ADAM9: variants seen among roughly 807,000 people sequenced by gnomAD.
ADAM9 encodes the protein disintegrin and metalloproteinase domain-containing protein 9.
In ADAM9, 54 loss-of-function variants were observed where a neutral mutation model predicts 108.1. The ratio of observed to expected loss-of-function variants is 0.50; its 90% CI spans 0.40 to 0.63. The LOEUF (loss-of-function observed/expected upper bound fraction) is 0.63, where lower values mean the gene tolerates loss of function less well. ADAM9 is among the 20% of genes least tolerant of loss of function. The pLI, the probability that ADAM9 is intolerant of heterozygous loss-of-function variation, is 0.00. For missense variants in ADAM9, 830 were observed against 997.7 expected (o/e 0.83, Z 2.26); for synonymous variants, 316 against 336.0 (o/e 0.94, Z 0.65).
At chr8:39,011,767 T>C (rs1428241438) in intron 3 of ADAM9, 51 bp downstream of exon 3, 1 of 1,514,634 alleles carries the variant, frequency 6.6e-7, no homozygotes, top group Admixed American at 1.7e-5. Context: ...TCCAATAGTA[T>C]ATTGGTTTTC....
chr8:39,058,875 C>T (rs537308882), intron 14 of ADAM9, among the ~76,000 whole-genome samples: 4 of 152,282 alleles, frequency 2.6e-5, no homozygotes, highest in Admixed American at 2.6e-4. Flanking sequence ...TACCTGGACA[C>T]GTGAATCCTG....
chr8:39,095,350 G>A (rs1224451371), intron 20 of ADAM9, among the ~76,000 whole-genome samples: 4 of 152,152 alleles, frequency 2.6e-5, no homozygotes, highest in African/African-American at 4.8e-5. Flanking sequence ...TGTTGCTTAA[G>A]TGTCAGCTAT....
chr8:39,023,140 ATTTC>A lies in ADAM9; in HGVS notation c.745-9_745-6del, dbSNP rs779203085. On this transcript the variant is annotated splice_polypyrimidine_tract_variant and intron_variant, in intron 8 of 21. Transcript: ENST00000487273. ...TCTTTACTATATTTTATATACTTTT[ATTTC>A]TTTCTTCCCAGATGTATATTATGTT... is the stretch of plus-strand genomic sequence containing the variant. 2 of 1,600,666 alleles carry A rather than the reference ATTTC, an allele frequency of 1.2e-6. No individual in the cohort carries two copies. Among genetic ancestry groups the A allele is most frequent in the East Asian group, 4.5e-5 (2 of 44,694 alleles).
At chr8:39,055,521 T>A in intron 13 of ADAM9, 56 bp from the exon 14 acceptor site, 1 of 1,552,220 alleles carries the variant, frequency 6.4e-7, no homozygotes, top group East Asian at 2.2e-5. Flanking sequence ...TCACATTTGA[T>A]TAATTTGTGG....
intron 1 of ADAM9, among the ~76,000 whole-genome samples, chr8:39,001,813 G>A (rs910088822): frequency 6.6e-6 from 1 of 151,656 alleles, no homozygotes; most frequent in African/African-American, 2.4e-5. Flanking sequence ...GATTACAGGC[G>A]CGTGCGCCAC....
At chr8:39,054,835 A>G (rs1838068250) in intron 13 of ADAM9, among the ~76,000 whole-genome samples, 1 of 152,150 alleles carries the variant, frequency 6.6e-6, no homozygotes. Flanking sequence ...ATTAAATAAC[A>G]TGAAACCATA....
chr8:39,082,461 CAATT>C (rs752985044), intron 16 of ADAM9, among the ~76,000 whole-genome samples, 176 bp from the exon 17 acceptor site: 9 of 152,100 alleles, frequency 5.9e-5, no homozygotes, highest in East Asian at 1.9e-4. Flanking sequence ...AATTTTGTAT[CAATT>C]AATTAATGCC....
chr8:39,094,965 C>G (rs1839457239), intron 20 of ADAM9, among the ~76,000 whole-genome samples: 1 of 152,038 alleles, frequency 6.6e-6, no homozygotes. Flanking sequence ...CAGATTGTTC[C>G]TCTTTTTCTA....
At chr8:39,067,459 G>T (rs1838520738) in intron 14 of ADAM9, among the ~76,000 whole-genome samples, 1 of 152,104 alleles carries the variant, frequency 6.6e-6, no homozygotes, top group African/African-American at 2.4e-5. Context: ...CCTTGAAGAG[G>T]TCCTTCACAT....
chr8:39,057,345 A>C (rs1381857383), intron 14 of ADAM9, among the ~76,000 whole-genome samples: 3 of 148,584 alleles, frequency 2.0e-5, no homozygotes, highest in East Asian at 3.9e-4. Flanking sequence ...ATTTATATAT[A>C]ATATATAATT....
intron 14 of ADAM9, among the ~76,000 whole-genome samples, chr8:39,062,180 A>G (rs560535894): frequency 1.3e-5 from 2 of 152,316 alleles, no homozygotes; most frequent in East Asian, 3.9e-4. Flanking sequence ...GGGGTACACA[A>G]ACGTTCAGTA....
Position 39,083,005 on chromosome 8 carries a change from G to C in ADAM9, c.2000G>C (p.Gly667Ala). 1 of 1,613,878 alleles carries C rather than the reference G, an allele frequency of 6.2e-7. No individual in the cohort carries two copies. The change falls in exon 18 of 22, where the codon GGC (glycine) becomes GCC (alanine). Residue 667 changes from glycine (G) to alanine (A), a missense_variant. Transcript: ENST00000487273. ...AATAAGAATTGTCACTGTGAAAATGGCTGGGCTCCCCCAAATTGTGAGACT... is the reference window on the plus strand; with the variant it reads ...AATAAGAATTGTCACTGTGAAAATGCCTGGGCTCCCCCAAATTGTGAGACT... ...NSNKNCHCEN[G>A]WAPPNCETKG... is the part of the protein sequence containing the mutation.
At chr8:39,013,480 C>T (rs1052913513) in intron 3 of ADAM9, among the ~76,000 whole-genome samples, 1 of 148,046 alleles carries the variant, frequency 6.8e-6, no homozygotes, top group Admixed American at 6.7e-5. Context: ...CAGAGTTGTC[C>T]GTTTATGAGC....
intron 15 of ADAM9, among the ~76,000 whole-genome samples, chr8:39,072,429 A>G (rs1445121116): frequency 6.6e-6 from 1 of 152,240 alleles, no homozygotes; most frequent in Non-Finnish European, 1.5e-5. Context: ...TTCATACAAT[A>G]GTACTTGACC....
rs1455785939 is a variant in ADAM9 at position 39,009,904 on chromosome 8, G to C, written c.196-1754G>C. Among the ~76,000 whole-genome samples, 16 of 83,998 alleles carry C rather than the reference G, an allele frequency of 1.9e-4. 2 individuals carry two copies. Among genetic ancestry groups the C allele is most frequent in the African/African-American group, 4.0e-4 (9 of 22,714 alleles). The allele number at this position is 83,998 out of a possible 152,430, so 55.1% of individuals were successfully genotyped here. On this transcript the variant is annotated intron_variant, in intron 2 of 21. Transcript: ENST00000487273. ...GCTTGCATTCTAGTGATGGGGGGGG[G>C]GGGCAGGGAGAGAGAGAGAGAGAGA...
chr8:39,089,001 G>A (rs1839263680), intron 18 of ADAM9, among the ~76,000 whole-genome samples: 1 of 152,174 alleles, frequency 6.6e-6, no homozygotes, highest in East Asian at 1.9e-4. Context: ...TGTAATCCCA[G>A]CACTTAGGGA....
chr8:39,078,923 C>G lies in ADAM9; in HGVS notation c.1881+1512C>G, dbSNP rs191227614. Among the ~76,000 whole-genome samples, 735 of 152,236 alleles carry G rather than the reference C, an allele frequency of 4.8e-3. 3 individuals carry two copies. Among genetic ancestry groups the G allele is most frequent in the South Asian group, 0.014 (67 of 4,818 alleles). On this transcript the variant is annotated intron_variant, in intron 16 of 21. Transcript: ENST00000487273. ...TCCCAGTTTCCCTGCTGTACCTTTT[C>G]AAAATAAGTGCTTAATATTTACATA...
chr8:39,019,659 A>G (rs1193023134), intron 7 of ADAM9, among the ~76,000 whole-genome samples: 2 of 152,160 alleles, frequency 1.3e-5, no homozygotes, highest in Non-Finnish European at 2.9e-5. Context: ...TTTACTTCCA[A>G]CTTTGTTGTC....
chr8:39,087,797 C>A (rs142811669), intron 18 of ADAM9, among the ~76,000 whole-genome samples: 1 of 152,042 alleles, frequency 6.6e-6, no homozygotes, highest in Non-Finnish European at 1.5e-5. Context: ...TACAGTTGAC[C>A]GTTGAACAAT....
Sources: allele counts gnomAD v4.1 joint callset (sites outside exome capture counted in the v4.1 genomes callset), GRCh38; gene constraint gnomAD v4.1.1; transcripts MANE v1.5; gene names NCBI Gene and HGNC (gene_info 2026-07-23, HGNC 2026-07-21).